FAM120B: variants seen among roughly 807,000 people sequenced by gnomAD.
FAM120B encodes the protein family with sequence similarity 120 member B.
Under a neutral mutation model 96.3 loss-of-function variants are expected in FAM120B, and 83 were observed. The ratio of observed to expected loss-of-function variants is 0.86; its 90% confidence interval spans 0.72 to 1.03. The LOEUF (loss-of-function observed/expected upper bound fraction) is 1.03. Ranked by LOEUF, FAM120B falls within the 50% of genes least tolerant of loss-of-function variation. The pLI is 0.00. For synonymous variants in FAM120B, 407 were observed against 402.7 expected, an observed-to-expected ratio of 1.01 and a Z score of -0.13; for missense variants, 1,027 against 1,121.2, an observed-to-expected ratio of 0.92 and a Z score of 1.20.
At position 170,361,216 on chromosome 6, in the gene FAM120B, A is replaced by G. The variant is rs1313228849; in HGVS notation, c.2283+2898A>G. ...TATACGTGTATATATATATATATAT[A>G]TATATATATATATATATATACACGT... On this transcript the variant is annotated intron_variant, in intron 6 of 10. Transcript: ENST00000476287. 2.6e-4 allele frequency among the ~76,000 whole-genome samples: 28 copies of G among 106,806 alleles called. 1 individual carries two copies. Among genetic ancestry groups the G allele is most frequent in the East Asian group, 9.1e-4 (1 of 1,098 alleles). The allele number at this position is 106,806 out of a possible 152,430, so 70.1% of individuals were successfully genotyped here.
Position 170,309,664 on chromosome 6 carries a change from G to T in FAM120B, c.-22+2822G>T, listed in dbSNP as rs150467548. On this transcript the variant is annotated intron_variant, in intron 1 of 10. Transcript: ENST00000476287. Reference sequence around the variant, plus strand: ...GTTCCTATTAGGACTTTAGTCCAAAGAATTAATTTAATTTGGATTTGTGCA... The same window carrying T: ...GTTCCTATTAGGACTTTAGTCCAAATAATTAATTTAATTTGGATTTGTGCA... 5.5e-3 allele frequency among the ~76,000 whole-genome samples: 843 copies of T among 152,322 alleles called. 36 individuals are homozygous for T. Among genetic ancestry groups the T allele is most frequent in the Admixed American group, 0.043 (661 of 15,296 alleles).
chr6:170,367,537 C>G (rs1263898687), intron 6 of FAM120B, among the ~76,000 whole-genome samples: 1 of 152,264 alleles, frequency 6.6e-6, no homozygotes, highest in Non-Finnish European at 1.5e-5. Flanking sequence ...CTGGCTCTTT[C>G]CAGAAGAGCG....
chr6:170,332,907 T>G (rs1044087259), intron 4 of FAM120B, among the ~76,000 whole-genome samples: 5 of 152,210 alleles, frequency 3.3e-5, no homozygotes, highest in Non-Finnish European at 5.9e-5. Flanking sequence ...GCCCATGTTC[T>G]TTCTTTTTTT....
intron 4 of FAM120B, among the ~76,000 whole-genome samples, chr6:170,338,999 T>A (rs1401872753): frequency 3.3e-5 from 5 of 152,216 alleles, no homozygotes; most frequent in Admixed American, 6.5e-5. Flanking sequence ...CTGTGTCTTT[T>A]AATTGGGGCA....
intron 2 of FAM120B, 73 bp downstream of exon 2, chr6:170,319,197 A>G: frequency 7.1e-7 from 1 of 1,414,226 alleles, no homozygotes; most frequent in Non-Finnish European, 9.5e-7. Flanking sequence ...GTGAAGATCC[A>G]TTACTGCCTC....
chr6:170,405,582 A>G lies in FAM120B; in HGVS notation c.*831A>G, dbSNP rs1778776293. On this transcript the variant is annotated 3_prime_UTR_variant, in exon 11 of 11. Coordinates refer to ENST00000476287, the MANE Select transcript of FAM120B (RefSeq NM_032448.3). ...TGAGTAACCGAAACCACAGAAAGTG[A>G]AGCTGGGGATATTTCAGAAATTCTT... The G allele has an allele frequency of 6.6e-6, 1 of 152,246 alleles. No homozygotes were observed. Among genetic ancestry groups the G allele is most frequent in the Non-Finnish European group, 1.5e-5 (1 of 68,046 alleles). The allele number at this position is 152,246 out of a possible 1,614,324, so 9.4% of individuals were successfully genotyped here. A position where few individuals can be genotyped will look rare whatever the true frequency, so the allele number is the denominator to read the frequency against.
At position 170,317,990 on chromosome 6, in the gene FAM120B, C is replaced by T; in HGVS notation, c.600C>T (p.Ser200=). Residue 200 remains serine, a synonymous_variant, in exon 2 of 11, where the codon AGC becomes AGT. Transcript: ENST00000476287. The stretch of plus-strand genomic sequence containing the variant: ...CAATTAGCGAGCTCTGCCTAGAGAG[C>T]CTGGACACCGTCATGCTCTGCAGAG... ...YFSISELCLE[S]LDTVMLCREK... is the part of the protein sequence containing the mutation. 1 of 1,613,652 alleles carries T rather than the reference C, an allele frequency of 6.2e-7. No individual in the cohort carries two copies. Among genetic ancestry groups the T allele is most frequent in the Non-Finnish European group, 8.5e-7 (1 of 1,179,708 alleles).
chr6:170,307,019 CGCG>C (rs1436605397), intron 1 of FAM120B, among the ~76,000 whole-genome samples, 177 bp downstream of exon 1: 1 of 152,156 alleles, frequency 6.6e-6, no homozygotes, highest in Non-Finnish European at 1.5e-5. Flanking sequence ...ATGGGATCCT[CGCG>C]TCCCCGCTGC....
chr6:170,346,443 C>T (rs190442371), intron 4 of FAM120B, among the ~76,000 whole-genome samples: 2 of 152,206 alleles, frequency 1.3e-5, no homozygotes, highest in East Asian at 3.9e-4. Context: ...TTTTCAAAAT[C>T]GTTAGTATAT....
intron 9 of FAM120B, among the ~76,000 whole-genome samples, chr6:170,402,648 A>G (rs948625557): frequency 6.6e-6 from 1 of 152,220 alleles, no homozygotes; most frequent in Non-Finnish European, 1.5e-5. Context: ...CTCCAGAAAA[A>G]GGAGGAGACA....
intron 6 of FAM120B, among the ~76,000 whole-genome samples, chr6:170,366,594 G>A (rs1788816340): frequency 6.6e-6 from 1 of 152,226 alleles, no homozygotes; most frequent in Non-Finnish European, 1.5e-5. Flanking sequence ...CTTGGGAGGT[G>A]AGGGGTGGAG....
intron 8 of FAM120B, among the ~76,000 whole-genome samples, chr6:170,393,814 T>A (rs577371577): frequency 3.8e-4 from 58 of 152,262 alleles, no homozygotes; most frequent in African/African-American, 1.4e-3. Flanking sequence ...TTGCACCTCC[T>A]GTGTTGGGGA....
intron 9 of FAM120B, among the ~76,000 whole-genome samples, chr6:170,398,370 A>G (rs1287242362): frequency 1.3e-5 from 2 of 152,234 alleles, no homozygotes; most frequent in African/African-American, 4.8e-5. Flanking sequence ...AGGTAGAACT[A>G]TGTCATAACT....
At chr6:170,384,101 G>A (rs1790065665) in intron 6 of FAM120B, among the ~76,000 whole-genome samples, 1 of 152,204 alleles carries the variant, frequency 6.6e-6, no homozygotes, top group African/African-American at 2.4e-5. Flanking sequence ...TAAAGAGATG[G>A]ATAACAGATT....
At chr6:170,388,098 GGTT>G (rs1790291700) in intron 6 of FAM120B, among the ~76,000 whole-genome samples, 186 bp from the exon 7 acceptor site, 1 of 152,214 alleles carries the variant, frequency 6.6e-6, no homozygotes, top group Non-Finnish European at 1.5e-5. Flanking sequence ...TGTCAGCTGA[GGTT>G]GTTTCCAAGG....
upstream of FAM120B, among the ~76,000 whole-genome samples, chr6:170,303,579 C>T (rs934232800): frequency 3.3e-5 from 5 of 152,198 alleles, no homozygotes; most frequent in African/African-American, 4.8e-5. Flanking sequence ...ATTTAATGTT[C>T]TGTCCTTACT....
At chr6:170,323,027 G>A in intron 2 of FAM120B, 52 bp from the exon 3 acceptor site, 3 of 1,474,998 alleles carry the variant, frequency 2.0e-6, no homozygotes, top group Non-Finnish European at 2.7e-6. Flanking sequence ...CTATTTGAAG[G>A]TTACTATCCT....
chr6:170,299,544 G>C (rs1384549196), intron 1 of FAM120B, among the ~76,000 whole-genome samples: 1 of 152,186 alleles, frequency 6.6e-6, no homozygotes, highest in South Asian at 2.1e-4. Context: ...CACCTCATTT[G>C]TTTTCCTCCT....
At chr6:170,373,128 A>C (rs1181733060) in intron 6 of FAM120B, among the ~76,000 whole-genome samples, 1 of 152,250 alleles carries the variant, frequency 6.6e-6, no homozygotes, top group South Asian at 2.1e-4. Flanking sequence ...GTCAGGTTTT[A>C]GGAACTTTAA....
Sources: gnomAD v4.1 joint callset for allele counts (sites outside exome capture counted in the v4.1 genomes callset) on GRCh38, gnomAD v4.1.1 for gene constraint, MANE v1.5 for transcripts, NCBI Gene and HGNC (gene_info 2026-07-23, HGNC 2026-07-21) for gene names.